Variants in COL4A6 observed in about 807,000 individuals in gnomAD.
The protein encoded by COL4A6 is collagen type IV alpha 6 chain.
Under a neutral mutation model 126.7 loss-of-function variants are expected in COL4A6, and 59 were observed. The ratio of observed to expected loss-of-function variants is 0.47; its 90% CI spans 0.38 to 0.58. COL4A6 has a LOEUF of 0.58. Among genes scored for constraint, COL4A6 ranks in the 20% least tolerant of loss-of-function variants. The pLI, the probability that COL4A6 is intolerant of heterozygous loss-of-function variation, is 0.00. For missense variants in COL4A6, 1,285 were observed against 1,337.3 expected, an observed-to-expected ratio of 0.96 and a Z score of 0.61; for synonymous variants, 547 against 496.6, an observed-to-expected ratio of 1.10 and a Z score of -1.35.
At chrX:108,207,589 G>T (rs1459297995) in intron 8 of COL4A6, among the ~76,000 whole-genome samples, 1 of 111,673 alleles carries the variant, frequency 9.0e-6, no homozygotes, top group Non-Finnish European at 1.9e-5. Context: ...TGTATCTGTG[G>T]GTTCCACATC....
chrX:108,276,246 G>T (rs1379655494), intron 3 of COL4A6, among the ~76,000 whole-genome samples: 1 of 112,492 alleles, frequency 8.9e-6, no homozygotes, highest in Admixed American at 9.4e-5. Flanking sequence ...CTTTGTTCTG[G>T]CAGAGTAGGG....
chrX:108,199,478 G>A (rs1027248702), intron 13 of COL4A6, among the ~76,000 whole-genome samples: 2 of 111,541 alleles, frequency 1.8e-5, no homozygotes, highest in East Asian at 2.8e-4. Context: ...GCCAAAGTGG[G>A]CTGAGAACTC....
intron 37 of COL4A6, among the ~76,000 whole-genome samples, chrX:108,167,170 G>A (rs749742833): frequency 8.9e-6 from 1 of 112,241 alleles, no homozygotes; most frequent in Non-Finnish European, 1.9e-5. Flanking sequence ...AGATGAAAAT[G>A]CAAAACAGCC....
chrX:108,332,853 T>C (rs908880032), intron 2 of COL4A6, among the ~76,000 whole-genome samples: 1 of 111,511 alleles, frequency 9.0e-6, no homozygotes, highest in Non-Finnish European at 1.9e-5. Flanking sequence ...AAGTCACATG[T>C]GTCTATTTTT....
chrX:108,422,385 TA>T (rs1424320329), intron 2 of COL4A6, among the ~76,000 whole-genome samples: 1 of 111,208 alleles, frequency 9.0e-6, no homozygotes, highest in Non-Finnish European at 1.9e-5. Context: ...AAAAAGGAAA[TA>T]AAAATTTGTA....
At chrX:108,201,795 T>C (rs1199882696) in intron 13 of COL4A6, among the ~76,000 whole-genome samples, 1 of 111,720 alleles carries the variant, frequency 9.0e-6, no homozygotes, top group Non-Finnish European at 1.9e-5. Flanking sequence ...ACTACTGCAA[T>C]ACCCTCTGTG....
chrX:108,387,307 G>C (rs1000514340), intron 2 of COL4A6, among the ~76,000 whole-genome samples: 6 of 112,077 alleles, frequency 5.4e-5, no homozygotes, highest in Admixed American at 9.4e-5. Context: ...ACTTTGGGCA[G>C]TATGGCCATT....
chrX:108,387,432 T>A (rs1021355069), intron 2 of COL4A6, among the ~76,000 whole-genome samples: 7 of 111,951 alleles, frequency 6.3e-5, no homozygotes, highest in African/African-American at 2.3e-4. Context: ...GTCCTTCATA[T>A]CCCTTTTAAG....
chrX:108,240,104 G>A (rs923016752), intron 3 of COL4A6, among the ~76,000 whole-genome samples: 12 of 110,949 alleles, frequency 1.1e-4, no homozygotes, highest in Non-Finnish European at 1.5e-4. Context: ...TTAGTTGGGC[G>A]TGGTGGTGGG....
chrX:108,407,059 A>G (rs1226427342), intron 2 of COL4A6, among the ~76,000 whole-genome samples: 2 of 112,494 alleles, frequency 1.8e-5, no homozygotes, highest in Non-Finnish European at 3.8e-5. Flanking sequence ...TTAACAGCCA[A>G]CTGCCACAGT....
intron 2 of COL4A6, among the ~76,000 whole-genome samples, chrX:108,434,485 A>G (rs908603948): frequency 9.0e-6 from 1 of 110,521 alleles, no homozygotes; most frequent in Non-Finnish European, 1.9e-5. Context: ...TTAGAAGTAT[A>G]CAATAAAATA....
In COL4A6 at chrX:108,211,652, T is replaced by C; in HGVS notation, c.510+20A>G. On this transcript the variant is annotated intron_variant, in intron 7 of 44. Coordinates refer to ENST00000334504, the MANE Select transcript of COL4A6 (RefSeq NM_033641.4). ...ACCCAGCTTATAGCCTACTCAGCTA[T>C]CTGACTTACAGGTTCTTACCTTCAT... is the stretch of plus-strand genomic sequence containing the variant. 1 of 1,204,119 alleles carries C rather than the reference T, an allele frequency of 8.3e-7. No homozygotes were observed. Among genetic ancestry groups the C allele is most frequent in the South Asian group, 1.8e-5 (1 of 56,575 alleles).
chrX:108,225,139 G>T (rs2036132818), intron 3 of COL4A6, among the ~76,000 whole-genome samples: 2 of 111,939 alleles, frequency 1.8e-5, no homozygotes, highest in Admixed American at 1.9e-4. Context: ...CAGACCACCT[G>T]CTGCCAGTAT....
At chrX:108,260,882 C>G (rs1225643567) in intron 3 of COL4A6, among the ~76,000 whole-genome samples, 1 of 109,833 alleles carries the variant, frequency 9.1e-6, no homozygotes, top group Admixed American at 9.8e-5. Flanking sequence ...AAAATTAGTT[C>G]AATGACTTGC....
intron 2 of COL4A6, among the ~76,000 whole-genome samples, chrX:108,334,253 A>C (rs2039378529): frequency 9.0e-6 from 1 of 111,410 alleles, no homozygotes; most frequent in Non-Finnish European, 1.9e-5. Flanking sequence ...TAGCCTAGCC[A>C]AGTCGACACA....
chrX:108,429,078 T>C (rs944711662), intron 2 of COL4A6, among the ~76,000 whole-genome samples: 1 of 112,306 alleles, frequency 8.9e-6, no homozygotes, highest in Non-Finnish European at 1.9e-5. Flanking sequence ...ACATGTGATA[T>C]ATCCATTCCT....
At chrX:108,161,556 G>T in intron 42 of COL4A6, 63 bp downstream of exon 42, 1 of 711,566 alleles carries the variant, frequency 1.4e-6, no homozygotes, top group Non-Finnish European at 2.1e-6. Context: ...CTCACCCCCA[G>T]CCTCAAACCC....
intron 22 of COL4A6, 135 bp from the exon 23 acceptor site, chrX:108,187,414 TTATC>T (rs1465672309): frequency 2.0e-5 from 10 of 506,539 alleles, no homozygotes; most frequent in Non-Finnish European, 3.0e-5. Flanking sequence ...TCACCATAGT[TTATC>T]TATCAGTCTC....
At chrX:108,380,566 C>T in intron 2 of COL4A6, among the ~76,000 whole-genome samples, 1 of 112,249 alleles carries the variant, frequency 8.9e-6, no homozygotes, top group Middle Eastern at 4.6e-3. Flanking sequence ...TCTTTTTCAC[C>T]ACTACTGATC....
Sources: allele counts gnomAD v4.1 joint callset (sites outside exome capture counted in the v4.1 genomes callset), GRCh38; gene constraint gnomAD v4.1.1; transcripts MANE v1.5; gene names NCBI Gene and HGNC (gene_info 2026-07-23, HGNC 2026-07-21).